The following FERRY3 variants were observed in gnomAD, a reference collection of about 807,000 sequenced individuals.
FERRY3 encodes the protein FERRY endosomal RAB5 effector complex subunit 3.
chr12:4,506,909 G>A, the FERRY3 span, among the ~76,000 whole-genome samples: 1 of 152,276 alleles, frequency 6.6e-6, no homozygotes, highest in Non-Finnish European at 1.5e-5. Context: ...AAAAGATGGA[G>A]AAGGTATTTT....
chr12:4,490,224 T>A, the FERRY3 span, among the ~76,000 whole-genome samples: 1 of 152,232 alleles, frequency 6.6e-6, no homozygotes, highest in Admixed American at 6.5e-5. Flanking sequence ...TATCTGCTAA[T>A]GTCCTTATTT....
chr12:4,492,613 C>A, the FERRY3 span, among the ~76,000 whole-genome samples: 3 of 152,162 alleles, frequency 2.0e-5, no homozygotes, highest in Admixed American at 6.5e-5. Context: ...ACATTTCCCC[C>A]CCTCTGCCCT....
the FERRY3 span, among the ~76,000 whole-genome samples, chr12:4,494,732 T>C: frequency 2.6e-5 from 4 of 152,252 alleles, no homozygotes; most frequent in Admixed American, 1.3e-4. Flanking sequence ...TGTAACTTCA[T>C]AGCAGGTTCT....
At chr12:4,493,094 T>C in the FERRY3 span, among the ~76,000 whole-genome samples, 2 of 152,186 alleles carry the variant, frequency 1.3e-5, no homozygotes, top group African/African-American at 4.8e-5. Context: ...TCCAGCTTAA[T>C]TGCCATCTCC....
At chr12:4,523,751 T>C in the FERRY3 span, among the ~76,000 whole-genome samples, 5 of 152,010 alleles carry the variant, frequency 3.3e-5, no homozygotes, top group African/African-American at 4.8e-5. Flanking sequence ...TAGGTGAGAA[T>C]TGAACAATGA....
chr12:4,508,996 A>C, the FERRY3 span: 4 of 151,964 alleles, frequency 2.6e-5, no homozygotes, highest in Non-Finnish European at 5.9e-5. Flanking sequence ...CATCTGAGGT[A>C]CCGGGTTCAT....
At chr12:4,511,135 G>C in the FERRY3 span, among the ~76,000 whole-genome samples, 1 of 149,434 alleles carries the variant, frequency 6.7e-6, no homozygotes, top group African/African-American at 2.5e-5. Context: ...GATCAAAAGA[G>C]ACAAAGAAGG....
the FERRY3 span, among the ~76,000 whole-genome samples, chr12:4,495,364 T>C: frequency 3.3e-5 from 5 of 152,290 alleles, no homozygotes; most frequent in African/African-American, 9.6e-5. Flanking sequence ...ATTTATACTG[T>C]TTTAATGAAG....
chr12:4,489,481 C>T, the FERRY3 span: 2 of 168,308 alleles, frequency 1.2e-5, no homozygotes, highest in Non-Finnish European at 2.5e-5. Flanking sequence ...AAGTCAAATG[C>T]CTCCATGTAA....
At chr12:4,506,521 G>T in the FERRY3 span, among the ~76,000 whole-genome samples, 1 of 152,166 alleles carries the variant, frequency 6.6e-6, no homozygotes, top group Non-Finnish European at 1.5e-5. Context: ...CATGTGATTT[G>T]ATAGGCTTTG....
the FERRY3 span, among the ~76,000 whole-genome samples, chr12:4,537,038 C>T: frequency 6.6e-6 from 1 of 152,160 alleles, no homozygotes; most frequent in South Asian, 2.1e-4. Context: ...AACTCTTTAT[C>T]CCAGTTTACA....
the FERRY3 span, among the ~76,000 whole-genome samples, chr12:4,494,310 T>C: frequency 3.3e-5 from 5 of 152,190 alleles, no homozygotes; most frequent in African/African-American, 1.2e-4. Context: ...CTTAATAGCA[T>C]CTTTTGATGA....
the FERRY3 span, among the ~76,000 whole-genome samples, chr12:4,497,134 CA>C: frequency 6.6e-6 from 1 of 152,106 alleles, no homozygotes; most frequent in Non-Finnish European, 1.5e-5. Flanking sequence ...AGAAACTACC[CA>C]AATGTCCACA....
chr12:4,528,943 A>G, the FERRY3 span, among the ~76,000 whole-genome samples: 1 of 148,530 alleles, frequency 6.7e-6, no homozygotes, highest in Non-Finnish European at 1.5e-5. Context: ...ACACACAAAC[A>G]AAAGTGATTT....
At chr12:4,519,649 G>A in the FERRY3 span, among the ~76,000 whole-genome samples, 1 of 152,192 alleles carries the variant, frequency 6.6e-6, no homozygotes, top group African/African-American at 2.4e-5. This position sits in a 1 kb window ranked among gnomAD's most constrained non-coding sequence, Gnocchi z 4.3. Flanking sequence ...ATCTACAGCA[G>A]GGGACCCCAA....
the FERRY3 span, among the ~76,000 whole-genome samples, chr12:4,519,510 G>A: frequency 6.6e-6 from 1 of 152,216 alleles, no homozygotes; most frequent in Non-Finnish European, 1.5e-5. The surrounding 1 kb of genome is among the most constrained non-coding windows in gnomAD (Gnocchi z 4.3). Context: ...GGTATATGCT[G>A]AGGATGATAC....
chr12:4,490,432 T>C, the FERRY3 span: 5 of 1,017,030 alleles, frequency 4.9e-6, no homozygotes, highest in Non-Finnish European at 5.7e-6. Context: ...TGTGTTGTTT[T>C]TGGGATTTTA....
the FERRY3 span, among the ~76,000 whole-genome samples, chr12:4,527,717 T>C: frequency 6.6e-6 from 1 of 152,188 alleles, no homozygotes; most frequent in Non-Finnish European, 1.5e-5. Flanking sequence ...GAATACAGCT[T>C]ATTTTTCTTT....
the FERRY3 span, among the ~76,000 whole-genome samples, chr12:4,490,176 A>C: frequency 6.6e-6 from 1 of 152,160 alleles, no homozygotes; most frequent in Non-Finnish European, 1.5e-5. Context: ...ATAAAAAACC[A>C]CTAATTTTGC....
Sources: allele counts gnomAD v4.1 joint callset (sites outside exome capture counted in the v4.1 genomes callset), GRCh38; gene constraint gnomAD v4.1.1; non-coding constraint Gnocchi (gnomAD v3.1); transcripts MANE v1.5; gene names NCBI Gene and HGNC (gene_info 2026-07-23, HGNC 2026-07-21).